The following MINDY4 variants were observed in gnomAD, a reference collection of about 807,000 sequenced individuals.
MINDY4 encodes MINDY lysine 48 deubiquitinase 4.
Under a neutral mutation model 87.0 loss-of-function variants are expected in MINDY4, and 68 were observed. The observed-to-expected ratio is 0.78, with a 90% CI of 0.64 to 0.96. MINDY4 has a LOEUF of 0.96. Ranked by LOEUF, MINDY4 falls within the 40% of genes least tolerant of loss-of-function variation. MINDY4 has a pLI of 0.00. For missense variants in MINDY4, 919 were observed against 928.2 expected, an observed-to-expected ratio of 0.99 and a Z score of 0.13; for synonymous variants, 379 against 363.2, an observed-to-expected ratio of 1.04 and a Z score of -0.50.
chr7:30,887,680 C>G (rs1252898923), intron 17 of MINDY4, among the ~76,000 whole-genome samples: 1 of 152,250 alleles, frequency 6.6e-6, no homozygotes, highest in East Asian at 1.9e-4. Context: ...GGGTCGTGTT[C>G]ATGCAGCAGC....
At chr7:30,777,371 G>A (rs77873080) in intron 1 of MINDY4, among the ~76,000 whole-genome samples, 6,070 of 152,170 alleles carry the variant, frequency 0.04, 382 homozygotes, top group African/African-American at 0.14. Flanking sequence ...GATGAAATGC[G>A]GGTGGTTGGT....
At chr7:30,867,784 G>C (rs1374368313) in intron 13 of MINDY4, among the ~76,000 whole-genome samples, 2 of 152,178 alleles carry the variant, frequency 1.3e-5, no homozygotes, top group African/African-American at 4.8e-5. Context: ...TCCAGGGCCT[G>C]GTGCCCTAGT....
At chr7:30,798,428 A>G (rs577526202) in intron 5 of MINDY4, among the ~76,000 whole-genome samples, 3 of 152,178 alleles carry the variant, frequency 2.0e-5, no homozygotes, top group East Asian at 3.9e-4. Flanking sequence ...CCTGAAATGA[A>G]GACTGTGGGA....
chr7:30,833,486 A>T (rs1329517173), intron 6 of MINDY4, among the ~76,000 whole-genome samples: 1 of 152,208 alleles, frequency 6.6e-6, no homozygotes, highest in Non-Finnish European at 1.5e-5. Context: ...CCTTCCCACA[A>T]CATGTGGGAA....
At chr7:30,810,619 T>A (rs1335592798) in intron 5 of MINDY4, among the ~76,000 whole-genome samples, 3 of 152,164 alleles carry the variant, frequency 2.0e-5, no homozygotes, top group African/African-American at 7.2e-5. Flanking sequence ...AGCACTAACC[T>A]GCTCTATAAC....
intron 3 of MINDY4, among the ~76,000 whole-genome samples, chr7:30,785,073 CTTTTT>C (rs70983391): frequency 3.5e-5 from 5 of 141,512 alleles, no homozygotes; most frequent in Admixed American, 1.4e-4. Flanking sequence ...CTCTTGCCTT[CTTTTT>C]TTTTTTTTTT....
intron 5 of MINDY4, among the ~76,000 whole-genome samples, chr7:30,820,364 T>C (rs1473789808): frequency 2.0e-5 from 3 of 152,228 alleles, no homozygotes; most frequent in African/African-American, 7.2e-5. Context: ...TCTCCTCTTT[T>C]CTTGCTTTCT....
intron 13 of MINDY4, among the ~76,000 whole-genome samples, chr7:30,864,929 G>A (rs1026777901): frequency 6.6e-6 from 1 of 152,220 alleles, no homozygotes; most frequent in East Asian, 1.9e-4. Flanking sequence ...GGGGAATCAC[G>A]GGGGTGGGTG....
chr7:30,881,146 T>A (rs1016473547), intron 15 of MINDY4, among the ~76,000 whole-genome samples: 2 of 152,114 alleles, frequency 1.3e-5, no homozygotes, highest in African/African-American at 4.8e-5. Context: ...GGCACGTACA[T>A]AGCTGGATAA....
At chr7:30,820,981 T>C (rs1007085417) in intron 5 of MINDY4, among the ~76,000 whole-genome samples, 1 of 152,228 alleles carries the variant, frequency 6.6e-6, no homozygotes, top group Admixed American at 6.5e-5. Flanking sequence ...TTTTCACATT[T>C]AGAAATTATA....
intron 5 of MINDY4, among the ~76,000 whole-genome samples, chr7:30,794,854 T>A (rs1476427400): frequency 6.6e-6 from 1 of 152,112 alleles, no homozygotes; most frequent in Non-Finnish European, 1.5e-5. Flanking sequence ...CGTCTCTCTC[T>A]CCCTCTCGCT....
At chr7:30,798,414 G>A (rs149092946) in intron 5 of MINDY4, among the ~76,000 whole-genome samples, 20 of 152,244 alleles carry the variant, frequency 1.3e-4, no homozygotes, top group African/African-American at 2.2e-4. Context: ...GGGGGTTGCC[G>A]TTCCCTGAAA....
intron 5 of MINDY4, among the ~76,000 whole-genome samples, chr7:30,824,411 A>G (rs1788435186): frequency 6.6e-6 from 1 of 152,168 alleles, no homozygotes; most frequent in Non-Finnish European, 1.5e-5. Context: ...ATACGGCCAC[A>G]CTGGGGATTA....
rs1057301342 is a variant in MINDY4, at chr7:30,891,961, A to G, written c.2230A>G (p.Lys744Glu). 3.1e-6 allele frequency: 5 copies of G among 1,613,938 alleles called. No individual in the cohort carries two copies. In the African/African-American group the frequency reaches 6.7e-5, roughly 22 times the overall value. ...CTCTCCTCACTCTACGCTTAGGTGG[A>G]AGGGGGCATCAGTGAACTGGAACGG... ...PLELCIRTKWKGASVNWNGSD... is the reference protein window; with the variant it reads ...PLELCIRTKWEGASVNWNGSD... Residue 744 changes from lysine (K) to glutamate (E), a missense_variant, in exon 18 of 18, where the codon AAG becomes GAG. Transcript: ENST00000265299.
intron 5 of MINDY4, among the ~76,000 whole-genome samples, chr7:30,807,006 T>C (rs1348549934): frequency 1.3e-5 from 2 of 152,234 alleles, no homozygotes; most frequent in Non-Finnish European, 2.9e-5. Flanking sequence ...ATAACTGATA[T>C]TGCTTCCTTT....
At chr7:30,867,310 G>T (rs1789968178) in intron 13 of MINDY4, among the ~76,000 whole-genome samples, 1 of 152,188 alleles carries the variant, frequency 6.6e-6, no homozygotes, top group African/African-American at 2.4e-5. Context: ...TCTTGGCCGT[G>T]ATATGAGTGG....
intron 5 of MINDY4, among the ~76,000 whole-genome samples, chr7:30,795,123 A>G (rs1376098766): frequency 6.6e-6 from 1 of 152,030 alleles, no homozygotes; most frequent in Non-Finnish European, 1.5e-5. Context: ...CTGGCCTGTC[A>G]TTTGTCTGAG....
intron 13 of MINDY4, among the ~76,000 whole-genome samples, chr7:30,862,493 G>A (rs1309374372): frequency 6.6e-6 from 1 of 152,234 alleles, no homozygotes; most frequent in Non-Finnish European, 1.5e-5. Context: ...CTCCAGCCTT[G>A]GCTCTCTGAG....
chr7:30,825,991 C>T (rs1018917870), intron 5 of MINDY4, among the ~76,000 whole-genome samples: 1 of 152,194 alleles, frequency 6.6e-6, no homozygotes, highest in Non-Finnish European at 1.5e-5. Context: ...TAGTACCCAC[C>T]TGGATTCCTT....
Sources: gnomAD v4.1 joint callset for allele counts (sites outside exome capture counted in the v4.1 genomes callset) on GRCh38, gnomAD v4.1.1 for gene constraint, MANE v1.5 for transcripts, NCBI Gene and HGNC (gene_info 2026-07-23, HGNC 2026-07-21) for gene names.